PIEZO2: variants seen among roughly 807,000 people sequenced by gnomAD.
PIEZO2 encodes piezo-type mechanosensitive ion channel component 2.
PIEZO2 carries 172 observed loss-of-function variants against 337.3 expected under a neutral mutation model. The ratio of observed to expected loss-of-function variants is 0.51; its 90% CI spans 0.45 to 0.58. The LOEUF (loss-of-function observed/expected upper bound fraction) is 0.58. PIEZO2 is among the 20% of genes least tolerant of loss of function. The probability of loss-of-function intolerance (pLI) is 0.00; values close to 1 mark genes in which losing one functional copy is unlikely to be tolerated. For missense variants in PIEZO2, 3,028 were observed against 3,391.3 expected, an observed-to-expected ratio of 0.89 and a Z score of 2.66; for synonymous variants, 1,251 against 1,228.5, an observed-to-expected ratio of 1.02 and a Z score of -0.38.
chr18:11,022,426 G>A (rs996819694), intron 2 of PIEZO2, among the ~76,000 whole-genome samples: 34 of 152,230 alleles, frequency 2.2e-4, no homozygotes, highest in African/African-American at 7.5e-4. Context: ...AGACTGGGAG[G>A]CTTCAGAAAC....
chr18:10,707,972 C>T lies in PIEZO2; in HGVS notation c.5588+303G>A, dbSNP rs1282898958. ...AGCTCTAAATTATGGAGGAAACATG[C>T]TTATGTCTCTGAAAATGGAAAGTTT... On this transcript the variant is annotated intron_variant, in intron 40 of 55. Coordinates refer to ENST00000674853, the MANE Select transcript of PIEZO2 (RefSeq NM_001378183.1). This position sits in a 1 kb window ranked among gnomAD's most constrained non-coding sequence, Gnocchi z 4.2. Among the ~76,000 whole-genome samples the T allele has an allele frequency of 6.6e-6, 1 of 152,104 alleles. No individual in the cohort carries two copies. Among genetic ancestry groups the T allele is most frequent in the African/African-American group, 2.4e-5 (1 of 41,404 alleles).
At position 10,821,793 on chromosome 18, in the gene PIEZO2, A is replaced by T. The variant is rs2040528022; in HGVS notation, c.918-14519T>A. The stretch of plus-strand genomic sequence containing the variant: ...CATACATCCTCTTTCAACTTCTTCC[A>T]CACTTTTGTCTTTCTTGAATTCTTA... On this transcript the variant is annotated intron_variant, in intron 7 of 55. Coordinates refer to ENST00000674853, the MANE Select transcript of PIEZO2 (RefSeq NM_001378183.1). This position sits in a 1 kb window ranked among gnomAD's most constrained non-coding sequence, Gnocchi z 4.2. Among the ~76,000 whole-genome samples the T allele has an allele frequency of 6.6e-6, 1 of 152,106 alleles. No homozygotes were observed. The highest frequency in any genetic ancestry group is 2.4e-5 in the African/African-American group (1 of 41,436).
rs1254093016 is a variant in PIEZO2 at position 10,846,001 on chromosome 18, G to A, written c.917+9352C>T. On this transcript the variant is annotated intron_variant, in intron 7 of 55. Coordinates refer to ENST00000674853, the MANE Select transcript of PIEZO2 (RefSeq NM_001378183.1). The surrounding 1 kb of genome is among the most constrained non-coding windows in gnomAD (Gnocchi z 4.1). ...ATCTGTGGATGGATTGAGGCAGTGG[G>A]AGTGCCGTGGGTGTATGAAGATTGA... 6.6e-6 allele frequency among the ~76,000 whole-genome samples: 1 copy of A among 152,176 alleles called. No individual in the cohort carries two copies. The highest frequency in any genetic ancestry group is 1.5e-5 in the Non-Finnish European group (1 of 68,034).
chr18:11,023,953 C>A (rs1027063952), intron 2 of PIEZO2, among the ~76,000 whole-genome samples: 4 of 152,180 alleles, frequency 2.6e-5, no homozygotes, highest in African/African-American at 9.7e-5. Flanking sequence ...GCGGGGCCGC[C>A]GAGCCCACGC....
At chr18:10,809,275 T>C (rs2040104935) in intron 7 of PIEZO2, among the ~76,000 whole-genome samples, 1 of 132,418 alleles carries the variant, frequency 7.6e-6, no homozygotes, top group South Asian at 2.6e-4. Flanking sequence ...TTTTTTTTTT[T>C]TTTTTTTTTT....
intron 35 of PIEZO2, among the ~76,000 whole-genome samples, chr18:10,734,858 G>T (rs2036935225): frequency 6.6e-6 from 1 of 152,116 alleles, no homozygotes; most frequent in Non-Finnish European, 1.5e-5. Flanking sequence ...AATTTTACCA[G>T]CTTTCTGAGA....
chr18:10,897,745 C>T (rs764359643), intron 4 of PIEZO2, among the ~76,000 whole-genome samples: 4 of 152,210 alleles, frequency 2.6e-5, no homozygotes, highest in Non-Finnish European at 5.9e-5. Context: ...AGTGTACACT[C>T]AAGGTGAAAG....
At chr18:10,789,794 T>C (rs992500552) in intron 14 of PIEZO2, among the ~76,000 whole-genome samples, 1 of 152,222 alleles carries the variant, frequency 6.6e-6, no homozygotes, top group Non-Finnish European at 1.5e-5. Flanking sequence ...ACAAAAAGTA[T>C]ACTTTTAAAT....
rs2041381222 is a variant in PIEZO2 at position 10,846,866 on chromosome 18, A to T, written c.917+8487T>A. Among the ~76,000 whole-genome samples the T allele has an allele frequency of 6.6e-6, 1 of 152,180 alleles. No homozygotes were observed. The highest frequency in any genetic ancestry group is 6.5e-5 in the Admixed American group (1 of 15,280). On this transcript the variant is annotated intron_variant, in intron 7 of 55. Transcript: ENST00000674853. The surrounding 1 kb of genome is among the most constrained non-coding windows in gnomAD (Gnocchi z 4.1). Reference sequence around the variant, plus strand: ...TTATGTGCACAGGGGAACTGCAGGCATGATGGGAGATAAGGCTAGAACTGT... The same window carrying T: ...TTATGTGCACAGGGGAACTGCAGGCTTGATGGGAGATAAGGCTAGAACTGT...
In PIEZO2 at chr18:10,714,834, G is replaced by A. The variant is rs1045770114; in HGVS notation, c.5353C>T (p.Pro1785Ser). Residue 1785 changes from proline to serine, a missense_variant, in exon 39 of 56, where the codon CCC becomes TCC. Pro to Ser is a moderately conservative substitution (Grantham distance 74). Transcript: ENST00000674853. Reference protein sequence around the residue: ...ESGLDTIDEHPGAASGAQTAH... With the variant: ...ESGLDTIDEHSGAASGAQTAH... ...GTCTGTGCACCTGAAGCAGCTCCGG[G>A]ATGCTCGTCAATGGTGTCCAGTCCC... is the stretch of plus-strand genomic sequence containing the variant. 1 of 1,537,240 alleles carries A rather than the reference G, an allele frequency of 6.5e-7. No individual in the cohort carries two copies. Among genetic ancestry groups the A allele is most frequent in the Non-Finnish European group, 8.7e-7 (1 of 1,146,892 alleles).
At chr18:11,051,984 C>A (rs564058001) in intron 2 of PIEZO2, among the ~76,000 whole-genome samples, 1 of 152,208 alleles carries the variant, frequency 6.6e-6, no homozygotes, top group Non-Finnish European at 1.5e-5. Context: ...CTCACTGAGG[C>A]AGTTTCAATT....
intron 36 of PIEZO2, among the ~76,000 whole-genome samples, chr18:10,728,737 T>C (rs1320456546): frequency 1.3e-5 from 2 of 151,290 alleles, no homozygotes; most frequent in Non-Finnish European, 3.0e-5. Context: ...GGGCGGATCA[T>C]GAGGTCAGAA....
chr18:10,960,485 G>A (rs188050625), intron 3 of PIEZO2, among the ~76,000 whole-genome samples: 1 of 151,072 alleles, frequency 6.6e-6, no homozygotes, highest in Non-Finnish European at 1.5e-5. Flanking sequence ...TAGACACAGG[G>A]TATCATAACA....
At chr18:11,098,866 C>T (rs1281488981) in intron 1 of PIEZO2, among the ~76,000 whole-genome samples, 1 of 152,060 alleles carries the variant, frequency 6.6e-6, no homozygotes, top group African/African-American at 2.4e-5. Flanking sequence ...GGTGCGATCA[C>T]AGCTTACTGC....
intron 2 of PIEZO2, among the ~76,000 whole-genome samples, chr18:10,981,911 A>G (rs560740581): frequency 2.6e-5 from 4 of 152,306 alleles, no homozygotes; most frequent in African/African-American, 7.2e-5. Context: ...GTGGTTTGCC[A>G]GGGGCACTTG....
chr18:10,685,652 T>A (rs2034515729), intron 49 of PIEZO2, among the ~76,000 whole-genome samples: 2 of 152,176 alleles, frequency 1.3e-5, no homozygotes, highest in Admixed American at 1.3e-4. Flanking sequence ...ACAAACACGG[T>A]CTTGCATCCG....
At position 10,707,510 on chromosome 18, in the gene PIEZO2, T is replaced by G. The variant is rs757040389; in HGVS notation, c.5588+765A>C. Among the ~76,000 whole-genome samples the G allele has an allele frequency of 9.2e-5, 14 of 152,154 alleles. No individual in the cohort carries two copies. The highest frequency in any genetic ancestry group is 1.9e-4 in the Non-Finnish European group (13 of 68,030). Reference sequence around the variant, plus strand: ...TGAGCAGTCAAAACGAAACTTGTCTTGGATTAGGCTGTTTTCGTGTCAGGA... The same window carrying G: ...TGAGCAGTCAAAACGAAACTTGTCTGGGATTAGGCTGTTTTCGTGTCAGGA... On this transcript the variant is annotated intron_variant, in intron 40 of 55. Coordinates refer to ENST00000674853, the MANE Select transcript of PIEZO2 (RefSeq NM_001378183.1). This position sits in a 1 kb window ranked among gnomAD's most constrained non-coding sequence, Gnocchi z 4.2.
intron 3 of PIEZO2, among the ~76,000 whole-genome samples, chr18:10,921,138 C>T (rs1419224474): frequency 6.6e-6 from 1 of 152,064 alleles, no homozygotes; most frequent in Non-Finnish European, 1.5e-5. Context: ...GCTTTGATTA[C>T]AGGTGATCAT....
In PIEZO2 at chr18:10,748,551, C is replaced by A; in HGVS notation, c.4344G>T (p.Leu1448=). The A allele has an allele frequency of 6.5e-7, 1 of 1,536,432 alleles. No individual in the cohort carries two copies. Among genetic ancestry groups the A allele is most frequent in the Non-Finnish European group, 8.7e-7 (1 of 1,146,528 alleles). Residue 1448 remains leucine (L), a synonymous_variant, in exon 30 of 56, where the codon CTG becomes CTT. Coordinates refer to ENST00000674853, the MANE Select transcript of PIEZO2 (RefSeq NM_001378183.1). This position sits in a 1 kb window ranked among gnomAD's most constrained non-coding sequence, Gnocchi z 5.1. ...IWDSICFAFL[L]LQRRVFMSYY... is the part of the protein sequence containing the mutation. Reference sequence around the variant, plus strand: ...AACTCATGAAAACTCTTCTTTGCAGCAGGAGGAAGGCAAAACATATGCTGT... The same window carrying A: ...AACTCATGAAAACTCTTCTTTGCAGAAGGAGGAAGGCAAAACATATGCTGT...
Sources: gnomAD v4.1 joint callset for allele counts (sites outside exome capture counted in the v4.1 genomes callset) on GRCh38, gnomAD v4.1.1 for gene constraint, Gnocchi (gnomAD v3.1) non-coding constraint, MANE v1.5 for transcripts, NCBI Gene and HGNC (gene_info 2026-07-23, HGNC 2026-07-21) for gene names.